MT1H: variants seen among roughly 807,000 people sequenced by gnomAD.
MT1H encodes the protein metallothionein-1H.
Under a neutral mutation model 8.7 loss-of-function variants are expected in MT1H, and 8 were observed. That is an observed-to-expected ratio of 0.92 (90% CI 0.54 to 1.66). The LOEUF is 1.66. MT1H is among the 40% of genes most tolerant of loss of function. The pLI is 0.00. For missense variants in MT1H, 84 were observed against 75.2 expected (o/e 1.12, Z -0.43); for synonymous variants, 32 against 28.9 (o/e 1.11, Z -0.34).
In MT1H at chr16:56,670,504, A is replaced by T. The variant is rs1421835693; in HGVS notation, c.29-2A>T. On this transcript the variant is annotated splice_acceptor_variant, in intron 1 of 2. Coordinates refer to ENST00000332374, the MANE Select transcript of MT1H (RefSeq NM_005951.2). LOFTEE classifies it high-confidence loss of function. ...CACACTGGCTTTTTCTATTCCTTGC[A>T]GGTGGCTCCTGCGCCTGCGCCGGCT... 2 of 1,613,676 alleles carry T rather than the reference A, an allele frequency of 1.2e-6. No individual in the cohort carries two copies. The highest frequency in any genetic ancestry group is 2.2e-5 in the South Asian group (2 of 91,086).
In MT1H at chr16:56,669,876, C is replaced by A. The variant is rs780129240; in HGVS notation, c.-9C>A. 2 of 1,614,174 alleles carry A rather than the reference C, an allele frequency of 1.2e-6. No individual in the cohort carries two copies. The highest frequency in any genetic ancestry group is 1.7e-6 in the Non-Finnish European group (2 of 1,180,014). ...TCGCTTGGGAACTCCAGTCTCACCT[C>A]GGCTTGCAATGGACCCCAACTGCTC... On this transcript the variant is annotated 5_prime_UTR_variant, in exon 1 of 3. Transcript: ENST00000332374.
chr16:56,670,403 C>G (rs1183360006), intron 1 of MT1H, 103 bp from the exon 2 acceptor site: 3 of 1,539,580 alleles, frequency 1.9e-6, no homozygotes, highest in South Asian at 1.2e-5. Flanking sequence ...GGAGCTCTGA[C>G]GGCTGGCCCT....
intron 1 of MT1H, among the ~76,000 whole-genome samples, 179 bp downstream of exon 1, chr16:56,670,091 A>G (rs1231466981): frequency 9.9e-5 from 15 of 152,086 alleles, no homozygotes; most frequent in African/African-American, 2.9e-4. Context: ...CTGTGCCTCT[A>G]TGTCAGAGTT....
chr16:56,669,984 G>C (rs1162723612), intron 1 of MT1H, 72 bp downstream of exon 1: 2 of 1,599,052 alleles, frequency 1.3e-6, no homozygotes, highest in Non-Finnish European at 1.7e-6. Context: ...CCCTGGGTTT[G>C]AGGAGGTCAT....
intron 1 of MT1H, among the ~76,000 whole-genome samples, 186 bp from the exon 2 acceptor site, chr16:56,670,320 A>G (rs185710012): frequency 1.4e-5 from 2 of 146,090 alleles, no homozygotes; most frequent in Non-Finnish European, 3.0e-5. Context: ...TTGGAATACA[A>G]ACGGAGGGTG....
chr16:56,669,985 A>G, intron 1 of MT1H, 73 bp downstream of exon 1: 1 of 1,598,584 alleles, frequency 6.3e-7, no homozygotes, highest in South Asian at 1.1e-5. Flanking sequence ...CCTGGGTTTG[A>G]GGAGGTCATA....
At chr16:56,670,162 G>A (rs1389274443) in intron 1 of MT1H, among the ~76,000 whole-genome samples, 1 of 152,212 alleles carries the variant, frequency 6.6e-6, no homozygotes, top group Non-Finnish European at 1.5e-5. Flanking sequence ...CGAGGCTGCT[G>A]GCTGAGCCCC....
rs533414683 is a variant in MT1H at position 56,670,479 on chromosome 16, C to T, written c.29-27C>T. ...TGTAACTTCTGCATCTCACTCACAA[C>T]ACACTGGCTTTTTCTATTCCTTGCA... On this transcript the variant is annotated intron_variant, in intron 1 of 2. Transcript: ENST00000332374. The T allele has an allele frequency of 1.9e-6, 3 of 1,614,148 alleles. No homozygotes were observed. The Admixed American group carries it at 5.0e-5, about 27-fold the overall frequency.
chr16:56,670,259 A>C (rs1960853505), intron 1 of MT1H, among the ~76,000 whole-genome samples: 1 of 152,174 alleles, frequency 6.6e-6, no homozygotes, highest in Non-Finnish European at 1.5e-5. Context: ...TCAGCACAGA[A>C]AGTCGAAGTC....
Position 56,671,025 on chromosome 16 carries a change from T to A in MT1H, c.*36T>A. 1 of 1,594,184 alleles carries A rather than the reference T, an allele frequency of 6.3e-7. No homozygotes were observed. The highest frequency in any genetic ancestry group is 8.5e-7 in the Non-Finnish European group (1 of 1,174,458). On this transcript the variant is annotated 3_prime_UTR_variant, in exon 3 of 3. Coordinates refer to ENST00000332374, the MANE Select transcript of MT1H (RefSeq NM_005951.2). ...GCCCTGCTGTCAGATGAAAACAGAA[T>A]GACACGTAAAATCCAGGATTTTTTT...
chr16:56,670,471 A>G (rs758518951), intron 1 of MT1H, 35 bp from the exon 2 acceptor site: 37 of 1,613,904 alleles, frequency 2.3e-5, no homozygotes, highest in Non-Finnish European at 3.1e-5. Flanking sequence ...TCTGCATCTC[A>G]CTCACAACAC....
chr16:56,670,943 G>A lies in MT1H; in HGVS notation c.140G>A (p.Gly47Asp). The A allele has an allele frequency of 6.2e-7, 1 of 1,614,210 alleles. No homozygotes were observed. The highest frequency in any genetic ancestry group is 2.2e-5 in the East Asian group (1 of 44,888). Residue 47 changes from glycine to aspartate, a missense_variant, in exon 3 of 3, where the codon GGC becomes GAC. Gly to Asp is a moderately conservative substitution (Grantham distance 94). Transcript: ENST00000332374. The stretch of plus-strand genomic sequence containing the variant: ...CTGGGCTGTGCCAAGTGTGCCCAGG[G>A]CTGCATCTGCAAAGGGGCGTCAGAG... The part of the protein sequence containing the change: ...CPLGCAKCAQ[G>D]CICKGASEKC...
chr16:56,669,863 T>C lies in MT1H; in HGVS notation c.-22T>C. 1.2e-6 allele frequency: 2 copies of C among 1,614,106 alleles called. No individual in the cohort carries two copies. The highest frequency in any genetic ancestry group is 2.2e-5 in the South Asian group (2 of 91,078). On this transcript the variant is annotated 5_prime_UTR_variant, in exon 1 of 3. Transcript: ENST00000332374. ...GCCTCTTCTCTTCTCGCTTGGGAAC[T>C]CCAGTCTCACCTCGGCTTGCAATGG...
chr16:56,670,394 G>A (rs1419240493), intron 1 of MT1H, 112 bp from the exon 2 acceptor site: 10 of 1,493,836 alleles, frequency 6.7e-6, no homozygotes, highest in Non-Finnish European at 9.2e-6. Context: ...AGTGGGAAAG[G>A]AGCTCTGACG....
rs1490990902 is a variant in MT1H at position 56,669,816 on chromosome 16, C to T, written c.-69C>T. The T allele has an allele frequency of 6.2e-7, 1 of 1,612,786 alleles. No individual in the cohort carries two copies. Among genetic ancestry groups the T allele is most frequent in the Non-Finnish European group, 8.5e-7 (1 of 1,179,308 alleles). Reference sequence around the variant, plus strand: ...GGAGCTGCCAACTGTTGCGCTCCACCACGCCCTCCACGTGTTCCACTGCCT... The same window carrying T: ...GGAGCTGCCAACTGTTGCGCTCCACTACGCCCTCCACGTGTTCCACTGCCT... On this transcript the variant is annotated 5_prime_UTR_variant, in exon 1 of 3. Coordinates refer to ENST00000332374, the MANE Select transcript of MT1H (RefSeq NM_005951.2).
rs1258656684 is a variant in MT1H, at chr16:56,670,914, C to T, written c.111C>T (p.Cys37=). ...TSCKKSCCSC[C]PLGCAKCAQG... ...TTTCCCCAGGCTGCTGCTCCTGTTG[C>T]CCCCTGGGCTGTGCCAAGTGTGCCC... The change falls in exon 3 of 3, where the codon TGC becomes TGT. Residue 37 remains cysteine, a synonymous_variant. Coordinates refer to ENST00000332374, the MANE Select transcript of MT1H (RefSeq NM_005951.2). 3 of 1,614,046 alleles carry T rather than the reference C, an allele frequency of 1.9e-6. No homozygotes were observed. Among genetic ancestry groups the T allele is most frequent in the Admixed American group, 3.3e-5 (2 of 59,986 alleles).
intron 1 of MT1H, among the ~76,000 whole-genome samples, chr16:56,670,293 G>C (rs1356723928): frequency 6.6e-6 from 1 of 151,984 alleles, no homozygotes; most frequent in African/African-American, 2.4e-5. Context: ...GCTGTGCCTG[G>C]AGCCTGGGAC....
intron 1 of MT1H, among the ~76,000 whole-genome samples, chr16:56,670,236 G>A (rs1158216453): frequency 6.6e-6 from 1 of 152,214 alleles, no homozygotes; most frequent in African/African-American, 2.4e-5. Context: ...TGGGGACATT[G>A]CCTCTTCAGG....
intron 2 of MT1H, 28 bp downstream of exon 2, chr16:56,670,599 T>A (rs1567355064): frequency 6.2e-7 from 1 of 1,614,244 alleles, no homozygotes; most frequent in Non-Finnish European, 8.5e-7. Context: ...TCCAGGAATC[T>A]GGGGCTGTGG....
Sources: gnomAD v4.1 joint callset for allele counts (sites outside exome capture counted in the v4.1 genomes callset) on GRCh38, gnomAD v4.1.1 for gene constraint, MANE v1.5 for transcripts, NCBI Gene and HGNC (gene_info 2026-07-23, HGNC 2026-07-21) for gene names.